CSMD1: variants seen among roughly 807,000 people sequenced by gnomAD.
CSMD1 encodes CUB and sushi domain-containing protein 1.
CSMD1 carries 213 observed loss-of-function variants against 417.5 expected under a neutral mutation model. The observed-to-expected ratio is 0.51, with a 90% CI of 0.46 to 0.57. CSMD1 has a LOEUF of 0.57. CSMD1 is among the 20% of genes least tolerant of loss of function. CSMD1 has a pLI of 0.00. For synonymous variants in CSMD1, 2,862 were observed against 1,736.8 expected, an observed-to-expected ratio of 1.65 and a Z score of -16.11; for missense variants, 6,923 against 4,529.7, an observed-to-expected ratio of 1.53 and a Z score of -15.17.
At chr8:4,313,734 G>A (rs988072294) in intron 3 of CSMD1, among the ~76,000 whole-genome samples, 1 of 152,066 alleles carries the variant, frequency 6.6e-6, no homozygotes, top group Non-Finnish European at 1.5e-5. Flanking sequence ...AGCAGAACTA[G>A]GCCGGGCACA....
In CSMD1 at chr8:4,599,882, GT is replaced by G. The variant is rs1030287958; in HGVS notation, c.302+37459del. Among the ~76,000 whole-genome samples the G allele has an allele frequency of 6.6e-5, 10 of 152,306 alleles. No individual in the cohort carries two copies. In the East Asian group the frequency reaches 1.9e-3, roughly 29 times the overall value. ...AGACAATTAAAGTTACATTCAAAGAGTTTTTTGTAAACTGCTCAAAGTAGCA... is the reference window on the plus strand; with the variant it reads ...AGACAATTAAAGTTACATTCAAAGAGTTTTTGTAAACTGCTCAAAGTAGCA... On this transcript the variant is annotated intron_variant, in intron 2 of 69. Coordinates refer to ENST00000635120, the MANE Select transcript of CSMD1 (RefSeq NM_033225.6).
chr8:3,121,344 A>C (rs1817193511), intron 41 of CSMD1, among the ~76,000 whole-genome samples: 1 of 152,196 alleles, frequency 6.6e-6, no homozygotes, highest in Non-Finnish European at 1.5e-5. Context: ...TCTGAACAAG[A>C]GTCAGAGACG....
intron 2 of CSMD1, 113 bp from the exon 3 acceptor site, chr8:4,420,178 G>T: frequency 1.6e-6 from 1 of 629,524 alleles, no homozygotes; most frequent in Non-Finnish European, 2.8e-6. Flanking sequence ...CTTGAAATAT[G>T]GCATTAAACA....
intron 52 of CSMD1, among the ~76,000 whole-genome samples, chr8:3,016,258 T>C (rs1035039580): frequency 3.9e-4 from 59 of 152,208 alleles, no homozygotes; most frequent in African/African-American, 1.4e-3. Flanking sequence ...TACTAAATAT[T>C]TGTGTAGATT....
chr8:3,210,036 A>C (rs889562963), intron 30 of CSMD1, among the ~76,000 whole-genome samples: 1 of 152,206 alleles, frequency 6.6e-6, no homozygotes, highest in Non-Finnish European at 1.5e-5. Flanking sequence ...CAGGAAAAAC[A>C]TTACCCCACG....
chr8:4,719,941 T>C (rs549255399), intron 1 of CSMD1, among the ~76,000 whole-genome samples: 6 of 152,274 alleles, frequency 3.9e-5, no homozygotes, highest in African/African-American at 1.2e-4. Flanking sequence ...TGATAGCTAA[T>C]GTCACCTCAC....
chr8:3,161,746 G>C (rs1366165937), intron 38 of CSMD1, among the ~76,000 whole-genome samples: 1 of 151,364 alleles, frequency 6.6e-6, no homozygotes, highest in African/African-American at 2.4e-5. Context: ...TATCTACCTA[G>C]CCCAAAGAGG....
intron 3 of CSMD1, among the ~76,000 whole-genome samples, chr8:4,180,605 A>G (rs75839133): frequency 0.023 from 3,525 of 152,156 alleles, 162 homozygotes; most frequent in African/African-American, 0.081. Flanking sequence ...AAAATAAAAT[A>G]AAATACAAAA....
intron 3 of CSMD1, among the ~76,000 whole-genome samples, chr8:4,350,103 G>A (rs887369517): frequency 5.3e-5 from 8 of 152,068 alleles, no homozygotes; most frequent in African/African-American, 1.9e-4. Flanking sequence ...AGCCACCACT[G>A]GCTGCTACGT....
At position 4,461,743 on chromosome 8, in the gene CSMD1, T is replaced by TTA. The variant is rs1554487165; in HGVS notation, c.303-41679_303-41678insTA. Among the ~76,000 whole-genome samples, 161 of 131,050 alleles carry TTA rather than the reference T, an allele frequency of 1.2e-3. 3 individuals carry two copies. The highest frequency in any genetic ancestry group is 3.3e-4 in the Non-Finnish European group (21 of 62,996). The allele number at this position is 131,050 out of a possible 152,430, so 86.0% of individuals were successfully genotyped here. ...TCTTATTTATTATTTATTTACTTATTTTTTTTTTTTTTTTGGAGATGGAGT... is the reference window on the plus strand; with the variant it reads ...TCTTATTTATTATTTATTTACTTATTTATTTTTTTTTTTTTTGGAGATGGAGT... On this transcript the variant is annotated intron_variant, in intron 2 of 69. Coordinates refer to ENST00000635120, the MANE Select transcript of CSMD1 (RefSeq NM_033225.6).
intron 3 of CSMD1, among the ~76,000 whole-genome samples, chr8:4,055,891 C>A (rs1217298944): frequency 6.6e-6 from 1 of 151,938 alleles, no homozygotes; most frequent in Admixed American, 6.6e-5. Context: ...CACTTACATA[C>A]AAATGATGAG....
At position 3,018,690 on chromosome 8, in the gene CSMD1, T is replaced by C. The variant is rs780139113; in HGVS notation, c.7856-40A>G. On this transcript the variant is annotated intron_variant, in intron 51 of 69. Transcript: ENST00000635120. ...AATAAAATGAACATCAATTCAGTTATGCAGATTACTCCTGTGCTCCAAACA... is the reference window on the plus strand; with the variant it reads ...AATAAAATGAACATCAATTCAGTTACGCAGATTACTCCTGTGCTCCAAACA... 8.3e-6 allele frequency: 13 copies of C among 1,558,674 alleles called. No homozygotes were observed. In the South Asian group the frequency reaches 9.0e-5, roughly 11 times the overall value.
chr8:3,460,246 T>G lies in CSMD1; in HGVS notation c.1561+8466A>C, dbSNP rs1002415157. Among the ~76,000 whole-genome samples, 2 of 152,046 alleles carry G rather than the reference T, an allele frequency of 1.3e-5. 1 individual carries two copies. The highest frequency in any genetic ancestry group is 4.1e-4 in the South Asian group (2 of 4,820). On this transcript the variant is annotated intron_variant, in intron 12 of 69. Coordinates refer to ENST00000635120, the MANE Select transcript of CSMD1 (RefSeq NM_033225.6). The stretch of plus-strand genomic sequence containing the variant: ...GCAAATGATCTACATGGTGAGTCCA[T>G]AGAAGAATGATCCTTGTTGGGGAGA...
chr8:3,918,310 A>G (rs909435455), intron 5 of CSMD1, among the ~76,000 whole-genome samples: 1 of 152,074 alleles, frequency 6.6e-6, no homozygotes, highest in Non-Finnish European at 1.5e-5. Context: ...GCCAATTTAC[A>G]TTCCTACCAC....
intron 3 of CSMD1, among the ~76,000 whole-genome samples, chr8:4,073,804 C>A (rs1189934961): frequency 2.1e-4 from 32 of 152,150 alleles, no homozygotes; most frequent in Admixed American, 1.8e-3. Context: ...TTATTTACCT[C>A]ATTATTAATT....
chr8:4,804,622 T>C (rs1428592028), intron 1 of CSMD1, among the ~76,000 whole-genome samples: 1 of 152,060 alleles, frequency 6.6e-6, no homozygotes, highest in Non-Finnish European at 1.5e-5. Flanking sequence ...ACAGGGGATA[T>C]AAAAGGCAGA....
In CSMD1 at chr8:2,942,562, C is replaced by T. The variant is rs1429750842; in HGVS notation, c.10445G>A (p.Gly3482Asp). The change falls in exon 69 of 70, where the codon GGC (glycine) becomes GAC (aspartate). Residue 3482 changes from glycine to aspartate, a missense_variant. Transcript: ENST00000635120. ...AGCCGCCACAGAGCCACTGCTGGTG[C>T]CGTGGTAATGACTGGAAGAGTCTTG... ...PDQDSSSHYH[G>D]TSSGSVAAAI... 1 of 1,606,482 alleles carries T rather than the reference C, an allele frequency of 6.2e-7. No homozygotes were observed. Among genetic ancestry groups the T allele is most frequent in the Non-Finnish European group, 8.5e-7 (1 of 1,175,938 alleles).
intron 2 of CSMD1, among the ~76,000 whole-genome samples, chr8:4,460,450 G>T (rs1021428679): frequency 6.6e-6 from 1 of 152,046 alleles, no homozygotes; most frequent in South Asian, 2.1e-4. Flanking sequence ...CTAAACTTAC[G>T]GTAAGCAGAA....
intron 7 of CSMD1, among the ~76,000 whole-genome samples, chr8:3,659,946 T>A (rs1156730381): frequency 6.6e-6 from 1 of 152,144 alleles, no homozygotes; most frequent in Non-Finnish European, 1.5e-5. Flanking sequence ...CTAAAAGAAT[T>A]GCAATAATTT....
Sources: allele counts gnomAD v4.1 joint callset (sites outside exome capture counted in the v4.1 genomes callset), GRCh38; gene constraint gnomAD v4.1.1; transcripts MANE v1.5; gene names NCBI Gene and HGNC (gene_info 2026-07-23, HGNC 2026-07-21).